Variants in NLN observed in about 807,000 individuals in gnomAD.
NLN encodes neurolysin.
NLN carries 64 observed loss-of-function variants against 79.9 expected under a neutral mutation model. The ratio of observed to expected loss-of-function variants is 0.80; its 90% CI spans 0.65 to 0.99. The LOEUF is 0.99. Ranked by LOEUF, NLN falls within the 50% of genes least tolerant of loss-of-function variation. The pLI, the probability that NLN is intolerant of heterozygous loss-of-function variation, is 0.00. For missense variants in NLN, 835 were observed against 858.7 expected (o/e 0.97, Z 0.34); for synonymous variants, 267 against 296.6 (o/e 0.90, Z 1.02).
At chr5:65,758,540 T>G in intron 1 of NLN, 27 bp from the exon 2 acceptor site, 1 of 1,558,660 alleles carries the variant, frequency 6.4e-7, no homozygotes. Context: ...AATCCCTAAT[T>G]CTTATTCTTT....
In NLN at chr5:65,727,261, G is replaced by A. The variant is rs184410251; in HGVS notation, c.41+4847G>A. 8.5e-5 allele frequency among the ~76,000 whole-genome samples: 13 copies of A among 152,240 alleles called. 1 individual carries two copies. The East Asian group carries it at 2.5e-3, about 29-fold the overall frequency. On this transcript the variant is annotated intron_variant, in intron 1 of 12. Coordinates refer to ENST00000380985, the MANE Select transcript of NLN (RefSeq NM_020726.5). ...TGGCTCACTGCGGTCTCAAACTCTG[G>A]TTTCAAACAATCCTCCCTGCCTCAG...
At chr5:65,782,745 C>T (rs1326574327) in intron 6 of NLN, among the ~76,000 whole-genome samples, 1 of 152,152 alleles carries the variant, frequency 6.6e-6, no homozygotes, top group African/African-American at 2.4e-5. Context: ...TAGAAACTGG[C>T]CAATTCTCAC....
intron 3 of NLN, among the ~76,000 whole-genome samples, chr5:65,773,319 T>C (rs1759611233): frequency 6.6e-6 from 1 of 151,716 alleles, no homozygotes; most frequent in Admixed American, 6.6e-5. Flanking sequence ...TTTTAGTTGT[T>C]GTAGAGATGA....
chr5:65,805,284 T>C (rs1481861500), intron 9 of NLN, among the ~76,000 whole-genome samples: 1 of 152,216 alleles, frequency 6.6e-6, no homozygotes, highest in African/African-American at 2.4e-5. Flanking sequence ...CATAAGTCTT[T>C]TGCTTTAAAT....
chr5:65,727,222 G>A (rs1037199786), intron 1 of NLN, among the ~76,000 whole-genome samples: 3 of 152,168 alleles, frequency 2.0e-5, no homozygotes, highest in African/African-American at 7.2e-5. Context: ...CTGAAGTGCA[G>A]TGGGGCATGA....
At chr5:65,811,050 G>C (rs1460895652) in intron 11 of NLN, among the ~76,000 whole-genome samples, 1 of 152,210 alleles carries the variant, frequency 6.6e-6, no homozygotes, top group Non-Finnish European at 1.5e-5. Context: ...ATCAGTTAAA[G>C]CATTTGACTA....
chr5:65,797,937 A>G (rs75894438), intron 9 of NLN, among the ~76,000 whole-genome samples: 1,908 of 152,266 alleles, frequency 0.013, 21 homozygotes, highest in Non-Finnish European at 0.019. Flanking sequence ...ATTGCTGCCT[A>G]CTTAGAATTT....
chr5:65,794,811 A>G (rs1024598551), intron 9 of NLN, among the ~76,000 whole-genome samples: 1 of 152,172 alleles, frequency 6.6e-6, no homozygotes, highest in Non-Finnish European at 1.5e-5. Context: ...AGCCCTAATC[A>G]TTGTAATAAC....
chr5:65,735,118 A>G (rs1758702782), intron 1 of NLN, among the ~76,000 whole-genome samples: 1 of 152,042 alleles, frequency 6.6e-6, no homozygotes, highest in African/African-American at 2.4e-5. Flanking sequence ...ACAAGATCTG[A>G]TGGTTTTATA....
chr5:65,828,161 A>G lies in NLN; in HGVS notation c.*5246A>G, dbSNP rs957705037. On this transcript the variant is annotated 3_prime_UTR_variant, in exon 13 of 13. Transcript: ENST00000380985. ...TCAGGAAAAAAGAGTTGGCAGTTTT[A>G]TTTGGCCAAATTCCAATATCAGCTC... 2 of 152,238 alleles carry G rather than the reference A, an allele frequency of 1.3e-5. No individual in the cohort carries two copies. The highest frequency in any genetic ancestry group is 4.8e-5 in the African/African-American group (2 of 41,464). The allele number at this position is 152,238 out of a possible 1,614,324, so 9.4% of individuals were successfully genotyped here. A position where few individuals can be genotyped will look rare whatever the true frequency, so the allele number is the denominator to read the frequency against.
rs1345275851 is a variant in NLN at position 65,792,546 on chromosome 5, T to A, written c.1418T>A (p.Val473Glu). 1.2e-6 allele frequency: 2 copies of A among 1,613,964 alleles called. No homozygotes were observed. The highest frequency in any genetic ancestry group is 3.3e-5 in the Admixed American group (2 of 60,022). ...CGGATGATGGCAGTGGCTGCCCTCG[T>A]GGTGAACTTCTCACAGCCAGTGGCA... is the stretch of plus-strand genomic sequence containing the variant. The part of the protein sequence containing the change: ...GSRMMAVAAL[V>E]VNFSQPVAGR... The change falls in exon 9 of 13, where the codon GTG becomes GAG. Residue 473 changes from valine (V) to glutamate (E), a missense_variant. Coordinates refer to ENST00000380985, the MANE Select transcript of NLN (RefSeq NM_020726.5).
intron 1 of NLN, among the ~76,000 whole-genome samples, chr5:65,731,943 G>A (rs1758620546): frequency 6.6e-6 from 1 of 151,388 alleles, no homozygotes; most frequent in Non-Finnish European, 1.5e-5. Flanking sequence ...TAGAGACAAG[G>A]TTTCACCATG....
intron 4 of NLN, chr5:65,779,969 G>A (rs1759762283): frequency 2.6e-6 from 1 of 389,874 alleles, no homozygotes; most frequent in East Asian, 4.5e-5. Flanking sequence ...GGGATTATAA[G>A]CACACACCAC....
intron 3 of NLN, among the ~76,000 whole-genome samples, chr5:65,765,034 T>C (rs1032925860): frequency 1.3e-5 from 2 of 152,238 alleles, no homozygotes; most frequent in African/African-American, 4.8e-5. Flanking sequence ...ATATTTTATT[T>C]ATTTTCTCTG....
At chr5:65,809,802 C>G in intron 10 of NLN, 101 bp downstream of exon 10, 1 of 1,025,190 alleles carries the variant, frequency 9.8e-7, no homozygotes, top group Non-Finnish European at 1.4e-6. Flanking sequence ...TAAGTGGTAT[C>G]CCAACCGTGC....
chr5:65,758,618 G>A lies in NLN; in HGVS notation c.93G>A (p.Met31Ile). The change falls in exon 2 of 13, where the codon ATG becomes ATA. Residue 31 changes from methionine (M) to isoleucine (I), a missense_variant. Transcript: ENST00000380985. ...LLRMTLGREVMSPLQAMSSYT... is the reference protein window; with the variant it reads ...LLRMTLGREVISPLQAMSSYT... ...GAATGACGTTAGGAAGAGAAGTGAT[G>A]TCTCCTCTTCAGGCAATGTCTTCCT... 6.2e-7 allele frequency: 1 copy of A among 1,602,772 alleles called. No homozygotes were observed. Among genetic ancestry groups the A allele is most frequent in the Non-Finnish European group, 8.5e-7 (1 of 1,169,832 alleles).
chr5:65,787,383 G>A (rs1234197362), intron 7 of NLN, among the ~76,000 whole-genome samples: 3 of 151,886 alleles, frequency 2.0e-5, no homozygotes, highest in Non-Finnish European at 4.4e-5. Context: ...TTCTCTTCAC[G>A]GTATTCCTCG....
intron 9 of NLN, among the ~76,000 whole-genome samples, chr5:65,800,663 C>CTTTTTATTTAT (rs10639871): frequency 0.012 from 1,785 of 142,946 alleles, 19 homozygotes; most frequent in Non-Finnish European, 0.019. Flanking sequence ...AGAAAACTCT[C>CTTTTTATTTAT]TTATTTATTT....
Position 65,824,151 on chromosome 5 carries a change from A to G in NLN, c.*1236A>G, listed in dbSNP as rs920310948. 6.6e-6 allele frequency: 1 copy of G among 152,192 alleles called. No homozygotes were observed. The highest frequency in any genetic ancestry group is 2.4e-5 in the African/African-American group (1 of 41,440). 9.4% of individuals were successfully genotyped at this position (152,192 alleles called of 1,614,324 possible). Reference sequence around the variant, plus strand: ...AGACAGGATAATAAAATTTAAAAAAAAAACAACTTTGAATTCCCCTGCCTA... The same window carrying G: ...AGACAGGATAATAAAATTTAAAAAAGAAACAACTTTGAATTCCCCTGCCTA... On this transcript the variant is annotated 3_prime_UTR_variant, in exon 13 of 13. Coordinates refer to ENST00000380985, the MANE Select transcript of NLN (RefSeq NM_020726.5).
Sources: allele counts gnomAD v4.1 joint callset (sites outside exome capture counted in the v4.1 genomes callset), GRCh38; gene constraint gnomAD v4.1.1; transcripts MANE v1.5; gene names NCBI Gene and HGNC (gene_info 2026-07-23, HGNC 2026-07-21).